The following IQSEC1 variants were observed in gnomAD, a reference collection of about 807,000 sequenced individuals.
IQSEC1 encodes the protein IQ motif and SEC7 domain-containing protein 1.
Under a neutral mutation model 91.0 loss-of-function variants are expected in IQSEC1, and 31 were observed. The ratio of observed to expected loss-of-function variants is 0.34; its 90% CI spans 0.26 to 0.46. The LOEUF is 0.46. IQSEC1 is among the 20% of genes least tolerant of loss of function. The probability of loss-of-function intolerance (pLI) is 1.00; values close to 1 mark genes in which losing one functional copy is unlikely to be tolerated. For missense variants in IQSEC1, 1,388 were observed against 1,575.6 expected, an observed-to-expected ratio of 0.88 and a Z score of 2.02; for synonymous variants, 699 against 662.6, an observed-to-expected ratio of 1.05 and a Z score of -0.84.
At chr3:13,018,926 C>A (rs545109959) in intron 1 of IQSEC1, among the ~76,000 whole-genome samples, 3 of 152,288 alleles carry the variant, frequency 2.0e-5, no homozygotes, top group African/African-American at 7.2e-5. Context: ...TGTGTGCTTC[C>A]CACTTCATCA....
chr3:13,160,870 C>A (rs1707160391), intron 2 of IQSEC1, among the ~76,000 whole-genome samples: 1 of 152,268 alleles, frequency 6.6e-6, no homozygotes. Context: ...CATCCCTGTC[C>A]TGGGGGTCTT....
intron 1 of IQSEC1, among the ~76,000 whole-genome samples, chr3:13,010,226 A>T (rs1702819709): frequency 6.6e-6 from 1 of 152,196 alleles, no homozygotes; most frequent in Non-Finnish European, 1.5e-5. Flanking sequence ...TGGATGCAGG[A>T]TGTTTCTGCC....
At chr3:12,936,925 C>T (rs1458242881) in intron 2 of IQSEC1, among the ~76,000 whole-genome samples, 3 of 151,926 alleles carry the variant, frequency 2.0e-5, no homozygotes, top group African/African-American at 7.3e-5. Context: ...TGTTTTTCCT[C>T]TCTCAGACCT....
intron 1 of IQSEC1, among the ~76,000 whole-genome samples, chr3:13,166,692 G>C (rs533914546): frequency 1.7e-4 from 26 of 152,252 alleles, no homozygotes; most frequent in African/African-American, 4.8e-4. Context: ...TGTGGTTTGA[G>C]GATGTGCTGA....
chr3:12,982,764 G>C (rs1482187218), intron 1 of IQSEC1, among the ~76,000 whole-genome samples: 1 of 152,222 alleles, frequency 6.6e-6, no homozygotes, highest in East Asian at 1.9e-4. Context: ...GTACTGACAG[G>C]AAAGAGCTGC....
intron 1 of IQSEC1, among the ~76,000 whole-genome samples, chr3:13,224,677 T>C (rs1159697093): frequency 1.3e-5 from 2 of 151,754 alleles, no homozygotes; most frequent in African/African-American, 4.8e-5. Flanking sequence ...GACGGGAGCA[T>C]AGCCTGCCAG....
At chr3:13,246,235 G>A (rs1038078032) in intron 1 of IQSEC1, among the ~76,000 whole-genome samples, 10 of 152,208 alleles carry the variant, frequency 6.6e-5, no homozygotes, top group Admixed American at 2.0e-4. Flanking sequence ...AGGGTGTGCC[G>A]CAGAGTAAAA....
chr3:13,160,799 C>G (rs903359349), intron 2 of IQSEC1, among the ~76,000 whole-genome samples: 1 of 152,268 alleles, frequency 6.6e-6, no homozygotes, highest in African/African-American at 2.4e-5. Context: ...ACAGACACCC[C>G]CTGGGTGCCT....
intron 1 of IQSEC1, among the ~76,000 whole-genome samples, chr3:13,216,942 C>A (rs932810217): frequency 6.6e-6 from 1 of 152,178 alleles, no homozygotes; most frequent in Non-Finnish European, 1.5e-5. Context: ...CAGCATATCA[C>A]GACGCAGGCA....
In IQSEC1 at chr3:12,936,199, C is replaced by A. The variant is rs756336349; in HGVS notation, c.817G>T (p.Gly273Cys). 3 of 1,612,840 alleles carry A rather than the reference C, an allele frequency of 1.9e-6. No homozygotes were observed. In the Admixed American group the frequency reaches 5.0e-5, roughly 27 times the overall value. Residue 273 changes from glycine (G) to cysteine (C), a missense_variant, in exon 3 of 14, where the codon GGC becomes TGC. Gly to Cys is a radical substitution (Grantham distance 159). Transcript: ENST00000613206. Reference sequence around the variant, plus strand: ...TCGTCCAGTTTGCGGTGGTCCATGCCGTGCAGGGCTGTCTGGGGTTCGGTG... The same window carrying A: ...TCGTCCAGTTTGCGGTGGTCCATGCAGTGCAGGGCTGTCTGGGGTTCGGTG... ...RDTEPQTALHGMDHRKLDEMT... is the reference protein window; with the variant it reads ...RDTEPQTALHCMDHRKLDEMT...
At chr3:12,919,672 C>T (rs1298268596) in intron 6 of IQSEC1, among the ~76,000 whole-genome samples, 1 of 152,260 alleles carries the variant, frequency 6.6e-6, no homozygotes, top group Non-Finnish European at 1.5e-5. Flanking sequence ...TTCCAAGGAA[C>T]CCTCAGCCCC....
chr3:13,102,817 C>G (rs966398139), intron 2 of IQSEC1, among the ~76,000 whole-genome samples: 1 of 152,174 alleles, frequency 6.6e-6, no homozygotes, highest in Non-Finnish European at 1.5e-5. Flanking sequence ...GTACTGAGCA[C>G]AGCTCGTTCA....
intron 2 of IQSEC1, among the ~76,000 whole-genome samples, chr3:13,080,811 C>T (rs60433443): frequency 0.081 from 12,258 of 152,170 alleles, 690 homozygotes; most frequent in African/African-American, 0.15. Context: ...TGTCCTGTCC[C>T]GCCACAGTGA....
chr3:13,084,335 C>T (rs73813167), intron 2 of IQSEC1, among the ~76,000 whole-genome samples: 2 of 152,256 alleles, frequency 1.3e-5, no homozygotes, highest in African/African-American at 4.8e-5. Context: ...CCCCACATCC[C>T]CCCTGACATA....
At position 12,902,687 on chromosome 3, in the gene IQSEC1, A is replaced by AC. The variant is rs1226282157; in HGVS notation, c.2805+85_2805+86insG. 3.7e-5 allele frequency: 25 copies of AC among 680,570 alleles called. No individual in the cohort carries two copies. The African/African-American group carries it at 3.9e-4, about 11-fold the overall frequency. 42.2% of individuals were successfully genotyped at this position (680,570 alleles called of 1,614,324 possible). A position where few individuals can be genotyped will look rare whatever the true frequency, so the allele number is the denominator to read the frequency against. The stretch of plus-strand genomic sequence containing the variant: ...AAAAAAACCAAAAAAAAAAAAAAAA[A>AC]AAAAAAACCAGGACAACAGATATGA... On this transcript the variant is annotated intron_variant, in intron 13 of 13. Transcript: ENST00000613206.
chr3:13,222,297 A>G (rs1694676673), intron 1 of IQSEC1, among the ~76,000 whole-genome samples: 1 of 152,306 alleles, frequency 6.6e-6, no homozygotes, highest in Middle Eastern at 3.4e-3. Flanking sequence ...TCCCTGTTGC[A>G]GCGCAGCACA....
At position 13,008,255 on chromosome 3, in the gene IQSEC1, C is replaced by T. The variant is rs1168966342; in HGVS notation, c.23+64737G>A. Among the ~76,000 whole-genome samples, 1 of 151,454 alleles carries T rather than the reference C, an allele frequency of 6.6e-6. No homozygotes were observed. The highest frequency in any genetic ancestry group is 1.5e-5 in the Non-Finnish European group (1 of 67,376). On this transcript the variant is annotated intron_variant, in intron 1 of 13. Transcript: ENST00000613206. This position sits in a 1 kb window ranked among gnomAD's most constrained non-coding sequence, Gnocchi z 4.1. ...GGGTCTGAGGCCAAGCTGGACACCT[C>T]TCCTTCCCGCGTCGAAGCTCAGAGG...
In IQSEC1 at chr3:13,069,406, G is replaced by T. The variant is rs544121090; in HGVS notation, c.23+3586C>A. Among the ~76,000 whole-genome samples, 9 of 150,590 alleles carry T rather than the reference G, an allele frequency of 6.0e-5. No individual in the cohort carries two copies. In the Middle Eastern group the frequency reaches 0.017, roughly 285 times the overall value. ...TTTCTTGGAGGTGTGTGTGTGTGTG[G>T]AATGTTCCAGGCCCAGTCCCACCAG... On this transcript the variant is annotated intron_variant, in intron 1 of 13. Coordinates refer to ENST00000613206, the MANE Select transcript of IQSEC1 (RefSeq NM_001134382.3).
chr3:13,040,562 G>A (rs574122086), intron 1 of IQSEC1, among the ~76,000 whole-genome samples: 20 of 152,346 alleles, frequency 1.3e-4, no homozygotes, highest in Non-Finnish European at 1.5e-5. Context: ...CCCAGAGTGT[G>A]ACTCTCAGTT....
Sources: gnomAD v4.1 joint callset for allele counts (sites outside exome capture counted in the v4.1 genomes callset) on GRCh38, gnomAD v4.1.1 for gene constraint, Gnocchi (gnomAD v3.1) non-coding constraint, MANE v1.5 for transcripts, NCBI Gene and HGNC (gene_info 2026-07-23, HGNC 2026-07-21) for gene names.